MICAL3: variants seen among roughly 807,000 people sequenced by gnomAD.
MICAL3 encodes the protein microtubule associated monooxygenase, calponin and LIM domain containing 3.
A neutral mutation model predicts 207.4 loss-of-function variants in MICAL3; 62 were observed. That is an observed-to-expected ratio of 0.30 (90% confidence interval 0.24 to 0.37). The LOEUF is 0.37. MICAL3 is among the 10% of genes least tolerant of loss of function. MICAL3 has a pLI of 1.00. For synonymous variants in MICAL3, 1,077 were observed against 1,069.3 expected, an observed-to-expected ratio of 1.01 and a Z score of -0.14; for missense variants, 2,368 against 2,635.6, an observed-to-expected ratio of 0.90 and a Z score of 2.22.
intron 1 of MICAL3, among the ~76,000 whole-genome samples, chr22:17,945,612 G>T (rs1602266151): frequency 6.6e-6 from 1 of 152,134 alleles, no homozygotes. Context: ...GGTAACACGC[G>T]CCCTACTGCC....
intron 1 of MICAL3, among the ~76,000 whole-genome samples, chr22:17,993,977 T>G (rs1921986804): frequency 6.6e-6 from 1 of 152,152 alleles, no homozygotes; most frequent in Admixed American, 6.5e-5. Context: ...TGTGCCCCAC[T>G]TCCTAGTGTG....
intron 1 of MICAL3, among the ~76,000 whole-genome samples, chr22:17,997,596 T>C (rs1181914089): frequency 6.6e-6 from 1 of 152,040 alleles, no homozygotes; most frequent in Non-Finnish European, 1.5e-5. Flanking sequence ...GCCTGCCCAT[T>C]AGTCATCCCT....
chr22:17,947,411 A>G (rs922060184), intron 1 of MICAL3, among the ~76,000 whole-genome samples: 6 of 152,232 alleles, frequency 3.9e-5, no homozygotes, highest in Non-Finnish European at 8.8e-5. Context: ...TTTGCAGTCC[A>G]GCTTTCTCTC....
chr22:17,820,015 C>A (rs1921392505), intron 25 of MICAL3, among the ~76,000 whole-genome samples: 2 of 150,196 alleles, frequency 1.3e-5, no homozygotes, highest in Admixed American at 1.3e-4. Flanking sequence ...TGCTGTAATC[C>A]CAGCACTTTG....
chr22:17,946,618 AT>A lies in MICAL3; in HGVS notation c.-74-39733del, dbSNP rs1449107306. Among the ~76,000 whole-genome samples, 8 of 152,310 alleles carry A rather than the reference AT, an allele frequency of 5.3e-5. No homozygotes were observed. In the East Asian group the frequency reaches 1.5e-3, roughly 29 times the overall value. ...AGGCACTGCACACACATGTGGACAC[AT>A]CCCCAAAGTACCAGGGGACACAAAT... On this transcript the variant is annotated intron_variant, in intron 1 of 31. Transcript: ENST00000441493.
At chr22:17,899,347 ATT>A (rs765655534) in intron 7 of MICAL3, 99 bp downstream of exon 7, 237 of 822,364 alleles carry the variant, frequency 2.9e-4, no homozygotes, top group Non-Finnish European at 4.7e-4. Context: ...TTCAGTGCTC[ATT>A]TTCATTCCCT....
At chr22:17,884,204 G>A in intron 16 of MICAL3, 1 of 1,045,322 alleles carries the variant, frequency 9.6e-7, no homozygotes, top group Non-Finnish European at 1.4e-6. Flanking sequence ...CCTGAACCCT[G>A]GCTGGCTCAG....
intron 1 of MICAL3, among the ~76,000 whole-genome samples, chr22:18,011,489 G>A (rs944095568): frequency 4.6e-5 from 7 of 151,938 alleles, no homozygotes; most frequent in East Asian, 1.9e-4. Context: ...CGGAGGTTGC[G>A]GTGAGCCGAG....
rs1234535622 is a variant in MICAL3, at chr22:17,807,763, C to CT, written c.5650+1080_5650+1081insA. On this transcript the variant is annotated intron_variant, in intron 29 of 31. Coordinates refer to ENST00000441493, the MANE Select transcript of MICAL3 (RefSeq NM_015241.3). ...ATGAGCCCATGGGTCAGTCTTTGAG[C>CT]AAGATCAGATGGCAGCAGCTGGCCC... Among the ~76,000 whole-genome samples, 3 of 152,218 alleles carry CT rather than the reference C, an allele frequency of 2.0e-5. No individual in the cohort carries two copies. The East Asian group carries it at 5.8e-4, about 29-fold the overall frequency.
chr22:17,977,860 T>C (rs1020029820), intron 1 of MICAL3, among the ~76,000 whole-genome samples: 1 of 151,596 alleles, frequency 6.6e-6, no homozygotes, highest in African/African-American at 2.4e-5. Flanking sequence ...CCTGTCTCTA[T>C]AAAAATACAA....
intron 1 of MICAL3, among the ~76,000 whole-genome samples, chr22:17,953,443 G>T (rs568900065): frequency 6.6e-6 from 1 of 152,070 alleles, no homozygotes; most frequent in Non-Finnish European, 1.5e-5. Context: ...GGGAAGATGG[G>T]ACACGATCTG....
chr22:17,991,660 G>T (rs1288079354), intron 1 of MICAL3, among the ~76,000 whole-genome samples: 1 of 152,078 alleles, frequency 6.6e-6, no homozygotes, highest in Admixed American at 6.6e-5. Flanking sequence ...ATTTATAGAA[G>T]ACATAAGTAA....
intron 21 of MICAL3, 63 bp downstream of exon 21, chr22:17,831,791 C>T: frequency 6.6e-7 from 1 of 1,516,092 alleles, no homozygotes; most frequent in Non-Finnish European, 8.9e-7. Flanking sequence ...CTCTTACACT[C>T]ACGCATGAAA....
intron 1 of MICAL3, among the ~76,000 whole-genome samples, chr22:17,972,513 A>G: frequency 6.6e-6 from 1 of 152,178 alleles, no homozygotes; most frequent in Non-Finnish European, 1.5e-5. Flanking sequence ...GTAAGCACAC[A>G]GAAAGGTTGA....
chr22:17,863,570 T>A, intron 19 of MICAL3: 1 of 985,442 alleles, frequency 1.0e-6, no homozygotes, highest in Non-Finnish European at 1.2e-6. Context: ...AACATGGCTA[T>A]AAAATGTTGG....
At chr22:17,913,101 A>G (rs529931969) in intron 1 of MICAL3, among the ~76,000 whole-genome samples, 1 of 151,094 alleles carries the variant, frequency 6.6e-6, no homozygotes, top group Non-Finnish European at 1.5e-5. Context: ...TTTATCATCA[A>G]GCTGACACTC....
chr22:17,918,005 C>T (rs924702969), intron 1 of MICAL3, among the ~76,000 whole-genome samples: 3 of 152,218 alleles, frequency 2.0e-5, no homozygotes, highest in Admixed American at 6.5e-5. Context: ...GCCGCCCACC[C>T]GGATACACCT....
intron 29 of MICAL3, among the ~76,000 whole-genome samples, chr22:17,801,660 G>T (rs1029392216): frequency 6.6e-6 from 1 of 151,418 alleles, no homozygotes; most frequent in South Asian, 2.1e-4. Context: ...TTGGGAGGCT[G>T]AGGCGGGCGG....
chr22:17,828,099 A>AG (rs1267532922), intron 21 of MICAL3, among the ~76,000 whole-genome samples: 1 of 152,142 alleles, frequency 6.6e-6, no homozygotes, highest in Non-Finnish European at 1.5e-5. Context: ...AGCTGCATTC[A>AG]GGGGGCCCAT....
Sources: gnomAD v4.1 joint callset for allele counts (sites outside exome capture counted in the v4.1 genomes callset) on GRCh38, gnomAD v4.1.1 for gene constraint, MANE v1.5 for transcripts, NCBI Gene and HGNC (gene_info 2026-07-23, HGNC 2026-07-21) for gene names.